AK7: variants seen among roughly 807,000 people sequenced by gnomAD.
The protein encoded by AK7 is ATP-AMP transphosphorylase 7.
In AK7, 78 loss-of-function variants were observed where a neutral mutation model predicts 96.6. The ratio of observed to expected loss-of-function variants is 0.81; its 90% CI spans 0.67 to 0.97. The LOEUF is 0.97. AK7 is among the 50% of genes least tolerant of loss of function. The pLI is 0.00. For synonymous variants in AK7, 302 were observed against 317.2 expected, an observed-to-expected ratio of 0.95 and a Z score of 0.51; for missense variants, 855 against 887.9, an observed-to-expected ratio of 0.96 and a Z score of 0.47.
At chr14:96,453,676 T>C (rs1304726501) in intron 10 of AK7, among the ~76,000 whole-genome samples, 5 of 152,180 alleles carry the variant, frequency 3.3e-5, no homozygotes, top group Non-Finnish European at 7.3e-5. Context: ...CCAGTGTCCA[T>C]CTGCTTGAAG....
At position 96,436,958 on chromosome 14, in the gene AK7, T is replaced by C. The variant is rs189914358; in HGVS notation, c.610-877T>C. ...TTCAGGGTTAGGAAGCTCATCATCATGGCTCACCTAAGGCATGGCCTCCAG... is the reference window on the plus strand; with the variant it reads ...TTCAGGGTTAGGAAGCTCATCATCACGGCTCACCTAAGGCATGGCCTCCAG... On this transcript the variant is annotated intron_variant, in intron 5 of 17. Coordinates refer to ENST00000267584, the MANE Select transcript of AK7 (RefSeq NM_152327.5). 6.6e-5 allele frequency among the ~76,000 whole-genome samples: 10 copies of C among 151,960 alleles called. No homozygotes were observed. The South Asian group carries it at 1.2e-3, about 19-fold the overall frequency.
chr14:96,412,465 T>C (rs1595381024), intron 4 of AK7, among the ~76,000 whole-genome samples: 1 of 151,506 alleles, frequency 6.6e-6, no homozygotes, highest in South Asian at 2.1e-4. Flanking sequence ...TGACCTCAGG[T>C]GATCCACCCG....
chr14:96,404,107 G>A (rs1303787070), intron 2 of AK7, among the ~76,000 whole-genome samples: 2 of 141,134 alleles, frequency 1.4e-5, no homozygotes, highest in Non-Finnish European at 3.0e-5. Context: ...TCACGCCACT[G>A]CACTCCAGCC....
intron 11 of AK7, 89 bp downstream of exon 11, chr14:96,456,564 G>A: frequency 6.8e-7 from 1 of 1,465,806 alleles, no homozygotes. Flanking sequence ...GAATTAGCCA[G>A]CTGGATGCAG....
At chr14:96,439,231 A>G (rs1358917202) in intron 6 of AK7, among the ~76,000 whole-genome samples, 1 of 152,066 alleles carries the variant, frequency 6.6e-6, no homozygotes, top group Non-Finnish European at 1.5e-5. Flanking sequence ...CTGAATGAAT[A>G]TGGAGAAGAG....
At chr14:96,411,462 G>C (rs1891022769) in intron 4 of AK7, among the ~76,000 whole-genome samples, 1 of 151,778 alleles carries the variant, frequency 6.6e-6, no homozygotes, top group African/African-American at 2.4e-5. Flanking sequence ...AGTGAGCAGA[G>C]ATCGCACCAC....
intron 16 of AK7, among the ~76,000 whole-genome samples, chr14:96,484,664 G>A (rs1895679988): frequency 6.6e-6 from 1 of 152,152 alleles, no homozygotes; most frequent in Non-Finnish European, 1.5e-5. Flanking sequence ...CCTGGTCTCT[G>A]TAAAATTCAA....
At chr14:96,423,210 G>T (rs556388375) in intron 5 of AK7, among the ~76,000 whole-genome samples, 53 of 152,316 alleles carry the variant, frequency 3.5e-4, no homozygotes, top group South Asian at 4.1e-4. Flanking sequence ...AGAGGCCCGT[G>T]TTGGGGCTGA....
Position 96,451,587 on chromosome 14 carries a change from C to T in AK7, c.1098+17C>T. ...GGATTGATGGTAACTATCACTGTTTCCCACTGAAACTTCTGATTCAAGCAA... is the reference window on the plus strand; with the variant it reads ...GGATTGATGGTAACTATCACTGTTTTCCACTGAAACTTCTGATTCAAGCAA... On this transcript the variant is annotated intron_variant, in intron 10 of 17. Transcript: ENST00000267584. The T allele has an allele frequency of 7.0e-7, 1 of 1,431,988 alleles. No homozygotes were observed. The highest frequency in any genetic ancestry group is 9.3e-7 in the Non-Finnish European group (1 of 1,078,330). The allele number at this position is 1,431,988 out of a possible 1,614,324, so 88.7% of individuals were successfully genotyped here.
At chr14:96,443,112 C>T (rs947658295) in intron 7 of AK7, among the ~76,000 whole-genome samples, 1 of 152,216 alleles carries the variant, frequency 6.6e-6, no homozygotes, top group Admixed American at 6.5e-5. Flanking sequence ...TTGGTGTGTA[C>T]ATTCTGAGGA....
chr14:96,467,044 T>C (rs1290973030), intron 12 of AK7, among the ~76,000 whole-genome samples: 1 of 71,986 alleles, frequency 1.4e-5, no homozygotes, highest in African/African-American at 4.3e-5. Context: ...TAGACGAATA[T>C]GTAAAAAAAA....
intron 5 of AK7, among the ~76,000 whole-genome samples, chr14:96,433,575 T>C (rs1892473586): frequency 6.6e-6 from 1 of 152,214 alleles, no homozygotes; most frequent in Non-Finnish European, 1.5e-5. Context: ...ATTCATCTAA[T>C]CTTTTTTCAA....
intron 10 of AK7, 81 bp from the exon 11 acceptor site, chr14:96,456,258 AAAAGCACT>A: frequency 9.3e-7 from 1 of 1,071,156 alleles, no homozygotes; most frequent in Non-Finnish European, 1.3e-6. Flanking sequence ...AAAAAAAAAA[AAAAGCACT>A]CCCCTGAAAT....
chr14:96,464,003 C>T (rs1394579754), intron 12 of AK7, among the ~76,000 whole-genome samples: 1 of 151,946 alleles, frequency 6.6e-6, no homozygotes, highest in Admixed American at 6.6e-5. Flanking sequence ...GGGGTCTCAT[C>T]CCAGATCCCA....
chr14:96,456,880 C>A lies in AK7; in HGVS notation c.1227+405C>A, dbSNP rs79028601. The stretch of plus-strand genomic sequence containing the variant: ...CACTCTTGGGAGGATGTCTGGGCTG[C>A]CCCCGGAGCCACAGTGTCCTGGGAC... On this transcript the variant is annotated intron_variant, in intron 11 of 17. Coordinates refer to ENST00000267584, the MANE Select transcript of AK7 (RefSeq NM_152327.5). The A allele has an allele frequency of 5.2e-4, 100 of 191,820 alleles. 1 individual carries two copies. The East Asian group carries it at 0.012, about 24-fold the overall frequency. 11.9% of individuals were successfully genotyped at this position (191,820 alleles called of 1,614,324 possible).
At chr14:96,394,050 A>G (rs917481792) in intron 1 of AK7, among the ~76,000 whole-genome samples, 1 of 151,982 alleles carries the variant, frequency 6.6e-6, no homozygotes, top group African/African-American at 2.4e-5. Context: ...CGGAGGTTGC[A>G]GTGAGCCGAG....
rs60920648 is a variant in AK7 at position 96,472,771 on chromosome 14, T to C, written c.1555+16T>C. On this transcript the variant is annotated intron_variant, in intron 14 of 17. Coordinates refer to ENST00000267584, the MANE Select transcript of AK7 (RefSeq NM_152327.5). ...ATTATACCTGGTAAGTTTATTTCCC[T>C]AAGATCACATTTAAAAGAATGTTCT... The C allele has an allele frequency of 0.22, 354,989 of 1,593,356 alleles. 41,325 individuals carry two copies. The highest frequency in any genetic ancestry group is 0.4 in the African/African-American group (29,955 of 74,424).
intron 17 of AK7, 33 bp from the exon 18 acceptor site, chr14:96,488,272 T>G: frequency 1.5e-5 from 24 of 1,588,482 alleles, no homozygotes; most frequent in Non-Finnish European, 2.1e-5. Flanking sequence ...TAATAACTTG[T>G]AAACTGTTGA....
chr14:96,457,860 GCA>G (rs1300867198), intron 11 of AK7, among the ~76,000 whole-genome samples: 2 of 152,168 alleles, frequency 1.3e-5, no homozygotes, highest in Non-Finnish European at 2.9e-5. Context: ...TCTGGCATTA[GCA>G]CAAAAATATA....
Sources: allele counts gnomAD v4.1 joint callset (sites outside exome capture counted in the v4.1 genomes callset), GRCh38; gene constraint gnomAD v4.1.1; transcripts MANE v1.5; gene names NCBI Gene and HGNC (gene_info 2026-07-23, HGNC 2026-07-21).